The following OCA2 variants were observed in gnomAD, a reference collection of about 807,000 sequenced individuals.
The protein encoded by OCA2 is OCA2 melanosomal transmembrane protein.
In OCA2, 77 loss-of-function variants were observed where a neutral mutation model predicts 100.2. The ratio of observed to expected loss-of-function variants is 0.77; its 90% CI spans 0.64 to 0.93. The LOEUF (loss-of-function observed/expected upper bound fraction) is 0.93, where lower values mean the gene tolerates loss of function less well. Ranked by LOEUF, OCA2 falls within the 40% of genes least tolerant of loss-of-function variation. The pLI, the probability that OCA2 is intolerant of heterozygous loss-of-function variation, is 0.00. For synonymous variants in OCA2, 432 were observed against 439.2 expected (o/e 0.98, Z 0.21); for missense variants, 1,062 against 1,089.1 (o/e 0.98, Z 0.35).
chr15:27,780,074 G>C (rs142409638), intron 23 of OCA2, among the ~76,000 whole-genome samples: 2 of 152,194 alleles, frequency 1.3e-5, no homozygotes, highest in Admixed American at 6.5e-5. Context: ...GAGCATGACT[G>C]AAAGCAGAGT....
chr15:27,963,809 T>C (rs1055973559), intron 15 of OCA2, among the ~76,000 whole-genome samples: 19 of 152,094 alleles, frequency 1.2e-4, no homozygotes, highest in African/African-American at 4.6e-4. Flanking sequence ...GAAAAATCTA[T>C]ATAATCAAAA....
intron 23 of OCA2, among the ~76,000 whole-genome samples, chr15:27,781,007 C>G (rs1390020417): frequency 2.0e-5 from 3 of 152,220 alleles, no homozygotes; most frequent in Admixed American, 2.0e-4. Flanking sequence ...TGTCTCTTCT[C>G]ATAAACTTCA....
chr15:27,909,728 T>A (rs1021928067), intron 19 of OCA2, among the ~76,000 whole-genome samples: 1 of 152,152 alleles, frequency 6.6e-6, no homozygotes, highest in African/African-American at 2.4e-5. Flanking sequence ...GATTCCATAT[T>A]TCACACTATA....
At chr15:27,923,277 A>G (rs1415907241) in intron 19 of OCA2, among the ~76,000 whole-genome samples, 3 of 152,234 alleles carry the variant, frequency 2.0e-5, no homozygotes, top group Admixed American at 6.5e-5. Flanking sequence ...TCAATTCCAT[A>G]TCTTTGCTAT....
At chr15:27,821,653 G>T (rs75955191) in intron 23 of OCA2, among the ~76,000 whole-genome samples, 1 of 151,340 alleles carries the variant, frequency 6.6e-6, no homozygotes, top group Non-Finnish European at 1.5e-5. Flanking sequence ...TGTGCACACA[G>T]ACACAGGCTC....
rs1012117572 is a variant in OCA2, at chr15:27,787,263, T to G, written c.2433-31791A>C. On this transcript the variant is annotated intron_variant, in intron 23 of 23. Coordinates refer to ENST00000354638, the MANE Select transcript of OCA2 (RefSeq NM_000275.3). ...AGTTTTATTTTCATGTTAATAGCCTTGCCTGCCTTTGGCATTAGAACAGTA... is the reference window on the plus strand; with the variant it reads ...AGTTTTATTTTCATGTTAATAGCCTGGCCTGCCTTTGGCATTAGAACAGTA... 2.0e-5 allele frequency among the ~76,000 whole-genome samples: 3 copies of G among 152,246 alleles called. No homozygotes were observed. In the South Asian group the frequency reaches 6.2e-4, roughly 32 times the overall value.
At chr15:28,042,472 C>CAAAA (rs972724008) in intron 2 of OCA2, among the ~76,000 whole-genome samples, 6,322 of 97,086 alleles carry the variant, frequency 0.065, 196 homozygotes, top group Non-Finnish European at 0.096. Flanking sequence ...ACTAAAAATA[C>CAAAA]AAAAAAAAAA....
intron 1 of OCA2, among the ~76,000 whole-genome samples, chr15:28,096,208 T>A (rs1290285132): frequency 6.8e-6 from 1 of 146,664 alleles, no homozygotes; most frequent in African/African-American, 2.6e-5. Context: ...TCTGGGGGCA[T>A]GGCTTGTCTC....
At chr15:27,871,800 A>G in intron 20 of OCA2, 63 bp downstream of exon 20, 4 of 1,181,748 alleles carry the variant, frequency 3.4e-6, no homozygotes, top group Non-Finnish European at 5.0e-6. Flanking sequence ...TTTTTTTTTT[A>G]ATTTTTTTCA....
intron 1 of OCA2, among the ~76,000 whole-genome samples, chr15:28,093,921 T>C (rs898252296): frequency 6.6e-6 from 1 of 152,180 alleles, no homozygotes; most frequent in African/African-American, 2.4e-5. Flanking sequence ...TTAGTGGTTG[T>C]CCGGGGTTGA....
At chr15:27,981,338 T>C (rs1356799526) in intron 14 of OCA2, among the ~76,000 whole-genome samples, 1 of 152,222 alleles carries the variant, frequency 6.6e-6, no homozygotes, top group Non-Finnish European at 1.5e-5. Flanking sequence ...CTGTCATAGG[T>C]TATATTTTCT....
In OCA2 at chr15:28,014,877, G is replaced by A. The variant is rs201481836; in HGVS notation, c.943C>T (p.Pro315Ser). Residue 315 changes from proline (P) to serine (S), a missense_variant, in exon 9 of 24, where the codon CCT becomes TCT. Transcript: ENST00000354638. ...AGGTACTGATGAGCCATCAAAAGAG[G>A]GACAGCCTGGGTCTGCTGCAGGGAG... ...RASLQQTQAV[P>S]LLMAHQYLRG... is the part of the protein sequence containing the mutation. 68 of 1,614,112 alleles carry A rather than the reference G, an allele frequency of 4.2e-5. No individual in the cohort carries two copies. Among genetic ancestry groups the A allele is most frequent in the Admixed American group, 6.7e-5 (4 of 60,020 alleles).
the OCA2 span, among the ~76,000 whole-genome samples, chr15:27,740,113 G>A: frequency 1.5e-4 from 23 of 152,182 alleles, 1 homozygote; most frequent in African/African-American, 4.8e-4. Flanking sequence ...AAATGGCCTT[G>A]CTATTTACAT....
chr15:27,953,754 T>C (rs1251017248), intron 17 of OCA2, among the ~76,000 whole-genome samples: 1 of 151,972 alleles, frequency 6.6e-6, no homozygotes, highest in Non-Finnish European at 1.5e-5. Flanking sequence ...GTTTTCTTTT[T>C]TTTTTCTTTT....
intron 19 of OCA2, among the ~76,000 whole-genome samples, chr15:27,916,359 GAA>G (rs1295973937): frequency 6.6e-6 from 1 of 151,464 alleles, no homozygotes; most frequent in Non-Finnish European, 1.5e-5. Flanking sequence ...AAATTGGAAA[GAA>G]AAAAAAGACA....
rs182676844 is a variant in OCA2, at chr15:27,884,067, C to A, written c.2080-12145G>T. On this transcript the variant is annotated intron_variant, in intron 19 of 23. Transcript: ENST00000354638. ...AAATTAGTAAAAACTCATTATAAAT[C>A]ATCGTTACTGCAAACATTTAAAAAT... Among the ~76,000 whole-genome samples the A allele has an allele frequency of 2.8e-4, 42 of 152,290 alleles. No homozygotes were observed. The East Asian group carries it at 7.7e-3, about 28-fold the overall frequency.
At chr15:27,836,216 C>T (rs1052620905) in intron 23 of OCA2, among the ~76,000 whole-genome samples, 1 of 152,164 alleles carries the variant, frequency 6.6e-6, no homozygotes, top group African/African-American at 2.4e-5. Context: ...GAGGTGCAAA[C>T]CAACAGGAGA....
At chr15:27,879,611 G>C (rs945064770) in intron 19 of OCA2, among the ~76,000 whole-genome samples, 1 of 152,126 alleles carries the variant, frequency 6.6e-6, no homozygotes, top group African/African-American at 2.4e-5. Flanking sequence ...GTGATGTTGA[G>C]ATTTTTTTCT....
At chr15:27,963,742 GA>G (rs1005881737) in intron 15 of OCA2, among the ~76,000 whole-genome samples, 4 of 150,698 alleles carry the variant, frequency 2.7e-5, no homozygotes, top group African/African-American at 9.7e-5. Flanking sequence ...AAAGTAAGCA[GA>G]AAAAAAATAA....
Sources: gnomAD v4.1 joint callset for allele counts (sites outside exome capture counted in the v4.1 genomes callset) on GRCh38, gnomAD v4.1.1 for gene constraint, MANE v1.5 for transcripts, NCBI Gene and HGNC (gene_info 2026-07-23, HGNC 2026-07-21) for gene names.